Variants in HSD17B2 observed in about 807,000 individuals in gnomAD.
HSD17B2 encodes the protein 17-beta-hydroxysteroid dehydrogenase type 2.
HSD17B2 carries 32 observed loss-of-function variants against 26.9 expected under a neutral mutation model. The observed-to-expected ratio is 1.19, with a 90% confidence interval of 0.90 to 1.60. The LOEUF (loss-of-function observed/expected upper bound fraction) is 1.60, where lower values mean the gene tolerates loss of function less well. Among genes scored for constraint, HSD17B2 ranks in the 40% most tolerant of loss-of-function variants. The pLI is 0.00. For synonymous variants in HSD17B2, 246 were observed against 186.7 expected, an observed-to-expected ratio of 1.32 and a Z score of -2.59; for missense variants, 613 against 468.6, an observed-to-expected ratio of 1.31 and a Z score of -2.85.
At chr16:82,058,524 G>A (rs904575191) in intron 1 of HSD17B2, among the ~76,000 whole-genome samples, 1 of 152,116 alleles carries the variant, frequency 6.6e-6, no homozygotes, top group African/African-American at 2.4e-5. Context: ...AGCATAAAGT[G>A]AGATAACATA....
At chr16:82,089,596 T>A (rs1459485934) in intron 3 of HSD17B2, among the ~76,000 whole-genome samples, 1 of 152,082 alleles carries the variant, frequency 6.6e-6, no homozygotes, top group African/African-American at 2.4e-5. Context: ...ATCAGAAATT[T>A]TTTCTTTCGT....
At chr16:82,070,370 G>A (rs1321609929) in intron 2 of HSD17B2, among the ~76,000 whole-genome samples, 1 of 152,126 alleles carries the variant, frequency 6.6e-6, no homozygotes, top group Non-Finnish European at 1.5e-5. Context: ...ACTTAGCACA[G>A]ACCCTCACCT....
chr16:82,066,657 T>A (rs1474720229), intron 1 of HSD17B2, among the ~76,000 whole-genome samples: 1 of 152,180 alleles, frequency 6.6e-6, no homozygotes, highest in Non-Finnish European at 1.5e-5. Context: ...TTATTTTATT[T>A]TATTTTTTTA....
At chr16:82,074,151 G>A (rs560030470) in intron 3 of HSD17B2, among the ~76,000 whole-genome samples, 7 of 152,310 alleles carry the variant, frequency 4.6e-5, no homozygotes, top group African/African-American at 1.7e-4. Flanking sequence ...CTAGCCATAG[G>A]CAGAACATTG....
In HSD17B2 at chr16:82,071,093, CA is replaced by C. The variant is rs1326209989; in HGVS notation, c.633del (p.Arg213GlyfsTer3). On this transcript the variant is annotated frameshift_variant, in exon 3 of 5. Transcript: ENST00000199936. LOFTEE classifies it high-confidence loss of function. ...CGTTTTTGCCTCTTCTTAGAAAATC[CA>C]AAGGGAGGCTGGTGAATGTCAGCAG... ...KTFLPLLRKS[K>X]GRLVNVSSMG... 3.7e-6 allele frequency: 6 copies of C among 1,613,968 alleles called. No individual in the cohort carries two copies. The highest frequency in any genetic ancestry group is 5.1e-6 in the Non-Finnish European group (6 of 1,179,998).
chr16:82,081,856 C>T (rs143755642), intron 3 of HSD17B2, among the ~76,000 whole-genome samples: 3 of 152,126 alleles, frequency 2.0e-5, no homozygotes, highest in Admixed American at 2.0e-4. Context: ...AATTGCCCAT[C>T]GATGATAGAT....
intron 1 of HSD17B2, among the ~76,000 whole-genome samples, chr16:82,043,601 G>A (rs372362815): frequency 1.6e-5 from 2 of 127,486 alleles, no homozygotes; most frequent in Admixed American, 7.6e-5. Context: ...GGAGAATGGC[G>A]TGAACCCAGG....
intron 3 of HSD17B2, among the ~76,000 whole-genome samples, chr16:82,090,561 T>G (rs556506131): frequency 7.2e-5 from 11 of 152,200 alleles, no homozygotes; most frequent in African/African-American, 2.4e-4. Context: ...TCAGGTGATC[T>G]GCCCACCTTG....
intron 1 of HSD17B2, among the ~76,000 whole-genome samples, chr16:82,061,498 G>A (rs1237981589): frequency 1.3e-5 from 2 of 152,174 alleles, no homozygotes; most frequent in African/African-American, 4.8e-5. Flanking sequence ...AGGTCTCCCA[G>A]CTCCAGAATC....
chr16:82,082,930 C>A (rs1374297457), intron 3 of HSD17B2, among the ~76,000 whole-genome samples: 1 of 152,136 alleles, frequency 6.6e-6, no homozygotes, highest in Non-Finnish European at 1.5e-5. Flanking sequence ...TGAACTTGAA[C>A]TTTAGTTTCA....
chr16:82,090,802 G>C (rs753907957), intron 3 of HSD17B2, 100 bp from the exon 4 acceptor site: 2 of 1,174,964 alleles, frequency 1.7e-6, no homozygotes, highest in Non-Finnish European at 1.2e-6. Flanking sequence ...CCAAGTCACT[G>C]ATACCAGTTC....
chr16:82,092,008 A>G (rs941544072), intron 4 of HSD17B2: 1 of 152,184 alleles, frequency 6.6e-6, no homozygotes, highest in African/African-American at 2.4e-5. Context: ...CAGCTCAAAA[A>G]TGGTCCCTAA....
intron 4 of HSD17B2, chr16:82,095,384 T>A (rs1904810965): frequency 6.6e-6 from 1 of 152,620 alleles, no homozygotes; most frequent in East Asian, 1.9e-4. Context: ...CAAGTGAGCA[T>A]CCCTCCTTCT....
chr16:82,068,531 C>A, intron 2 of HSD17B2, 149 bp downstream of exon 2: 3 of 647,366 alleles, frequency 4.6e-6, no homozygotes, highest in East Asian at 5.5e-5. Context: ...TGTGTGGGGG[C>A]CTCTATCAAC....
At position 82,035,653 on chromosome 16, in the gene HSD17B2, T is replaced by C. The variant is rs1015457402; in HGVS notation, c.229T>C (p.Leu77=). 4.3e-6 allele frequency: 7 copies of C among 1,613,864 alleles called. No individual in the cohort carries two copies. The highest frequency in any genetic ancestry group is 5.9e-6 in the Non-Finnish European group (7 of 1,180,036). The change falls in exon 1 of 5, where the codon TTG becomes CTG. Residue 77 remains leucine (L), a synonymous_variant. Coordinates refer to ENST00000199936, the MANE Select transcript of HSD17B2 (RefSeq NM_002153.3). ...GTATACTTACTTATCTGGCCAAGAATTGTTACCTGTGGATCAGAAGGCAGT... is the reference window on the plus strand; with the variant it reads ...GTATACTTACTTATCTGGCCAAGAACTGTTACCTGTGGATCAGAAGGCAGT... ...LMYTYLSGQE[L]LPVDQKAVLV... is the part of the protein sequence containing the mutation.
intron 1 of HSD17B2, among the ~76,000 whole-genome samples, chr16:82,036,781 A>T (rs1913637454): frequency 6.6e-6 from 1 of 152,200 alleles, no homozygotes; most frequent in South Asian, 2.1e-4. Context: ...TGGGATGTTT[A>T]TCTGCAAGAA....
chr16:82,096,016 T>C (rs1236749072), intron 4 of HSD17B2: 1 of 152,184 alleles, frequency 6.6e-6, no homozygotes, highest in East Asian at 1.9e-4. Context: ...GAGGCAGAGC[T>C]GCTACATTTT....
chr16:82,081,775 T>C (rs1904387639), intron 3 of HSD17B2, among the ~76,000 whole-genome samples: 2 of 152,232 alleles, frequency 1.3e-5, no homozygotes, highest in South Asian at 4.1e-4. Context: ...TTAGCTTTTA[T>C]TTTAAGTTCT....
chr16:82,076,257 T>A (rs929299741), intron 3 of HSD17B2, among the ~76,000 whole-genome samples: 1 of 152,186 alleles, frequency 6.6e-6, no homozygotes, highest in African/African-American at 2.4e-5. Context: ...AAAAGCCATA[T>A]ACAATAGACC....
Sources: gnomAD v4.1 joint callset for allele counts (sites outside exome capture counted in the v4.1 genomes callset) on GRCh38, gnomAD v4.1.1 for gene constraint, MANE v1.5 for transcripts, NCBI Gene and HGNC (gene_info 2026-07-23, HGNC 2026-07-21) for gene names.